Variants in SLC17A8 observed in about 807,000 individuals in gnomAD.
SLC17A8 encodes solute carrier family 17 member 8.
In SLC17A8, 31 loss-of-function variants were observed where a neutral mutation model predicts 58.0. The observed-to-expected ratio is 0.53, with a 90% CI of 0.40 to 0.72. SLC17A8 has a LOEUF of 0.72. SLC17A8 is among the 30% of genes least tolerant of loss of function. The probability of loss-of-function intolerance (pLI) is 0.00; values close to 1 mark genes in which losing one functional copy is unlikely to be tolerated. For synonymous variants in SLC17A8, 228 were observed against 249.0 expected (o/e 0.92, Z 0.79); for missense variants, 655 against 727.8 (o/e 0.90, Z 1.15).
intron 1 of SLC17A8, among the ~76,000 whole-genome samples, chr12:100,373,422 C>T (rs1027286256): frequency 3.3e-5 from 5 of 151,980 alleles, no homozygotes; most frequent in Non-Finnish European, 1.5e-5. Flanking sequence ...TGCTTCAAGC[C>T]AGGAGTGATG....
chr12:100,394,731 T>C (rs1467409121), intron 4 of SLC17A8, among the ~76,000 whole-genome samples: 1 of 148,186 alleles, frequency 6.7e-6, no homozygotes, highest in African/African-American at 2.5e-5. Flanking sequence ...AAAGCATACA[T>C]ATATATAGTA....
intron 10 of SLC17A8, among the ~76,000 whole-genome samples, chr12:100,413,983 A>T (rs1291748929): frequency 6.6e-6 from 1 of 152,170 alleles, no homozygotes; most frequent in African/African-American, 2.4e-5. Flanking sequence ...TCTCAAGAAA[A>T]AAATAAATAA....
intron 9 of SLC17A8, among the ~76,000 whole-genome samples, chr12:100,409,474 C>T (rs2136011984): frequency 6.6e-6 from 1 of 152,280 alleles, no homozygotes; most frequent in South Asian, 2.1e-4. Context: ...GTGTGCACCA[C>T]CATGCCTGGC....
chr12:100,416,070 C>A (rs1952904712), intron 10 of SLC17A8, among the ~76,000 whole-genome samples: 1 of 152,172 alleles, frequency 6.6e-6, no homozygotes, highest in Non-Finnish European at 1.5e-5. Context: ...ATGAGTGATG[C>A]CTGTTTTGGG....
intron 1 of SLC17A8, among the ~76,000 whole-genome samples, chr12:100,359,127 T>A (rs1008928318): frequency 6.6e-6 from 1 of 152,066 alleles, no homozygotes; most frequent in African/African-American, 2.4e-5. Flanking sequence ...AGAGTCAGAC[T>A]CTGTCTCAAA....
intron 1 of SLC17A8, among the ~76,000 whole-genome samples, chr12:100,358,555 C>A (rs1054645432): frequency 6.6e-6 from 1 of 152,042 alleles, no homozygotes; most frequent in African/African-American, 2.4e-5. Flanking sequence ...GAGTTGGACA[C>A]CTTATTATTT....
intron 10 of SLC17A8, among the ~76,000 whole-genome samples, chr12:100,413,436 G>A (rs1418339679): frequency 6.6e-6 from 1 of 152,136 alleles, no homozygotes; most frequent in African/African-American, 2.4e-5. Context: ...GTGAGCTAGC[G>A]ATGACCAAGC....
chr12:100,374,059 G>A (rs952323692), intron 1 of SLC17A8, among the ~76,000 whole-genome samples: 5 of 152,216 alleles, frequency 3.3e-5, no homozygotes, highest in Non-Finnish European at 5.9e-5. Context: ...TAATGTGTTA[G>A]TCTTTGTAGG....
chr12:100,370,452 C>T (rs1952551331), intron 1 of SLC17A8, among the ~76,000 whole-genome samples: 2 of 151,582 alleles, frequency 1.3e-5, no homozygotes, highest in Admixed American at 6.6e-5. Flanking sequence ...CATGCACCAC[C>T]ATGTCCAGCT....
chr12:100,402,958 C>A (rs1037083168), intron 8 of SLC17A8, among the ~76,000 whole-genome samples: 1 of 152,108 alleles, frequency 6.6e-6, no homozygotes, highest in African/African-American at 2.4e-5. Context: ...CCGTATTAAG[C>A]TGCTTTAAAG....
intron 9 of SLC17A8, among the ~76,000 whole-genome samples, chr12:100,409,712 G>T (rs1952853086): frequency 6.6e-6 from 1 of 152,166 alleles, no homozygotes; most frequent in Non-Finnish European, 1.5e-5. Flanking sequence ...AAAATAGTAA[G>T]ATTTATCCAG....
At chr12:100,395,880 T>G (rs560668473) in intron 4 of SLC17A8, among the ~76,000 whole-genome samples, 1 of 152,358 alleles carries the variant, frequency 6.6e-6, no homozygotes, top group South Asian at 2.1e-4. Context: ...CTCAAAGTGC[T>G]GGGACTACAG....
At chr12:100,381,788 T>C (rs1464442997) in intron 2 of SLC17A8, among the ~76,000 whole-genome samples, 10 of 152,306 alleles carry the variant, frequency 6.6e-5, no homozygotes, top group African/African-American at 2.4e-4. Flanking sequence ...AAATCACATT[T>C]GTGACATAGA....
chr12:100,376,884 A>G (rs1262817090), intron 1 of SLC17A8, among the ~76,000 whole-genome samples: 6 of 152,070 alleles, frequency 3.9e-5, no homozygotes, highest in Non-Finnish European at 7.4e-5. Flanking sequence ...ATCTCAGCTC[A>G]CTGTAACCTC....
At chr12:100,409,571 GAA>G (rs1040669936) in intron 9 of SLC17A8, among the ~76,000 whole-genome samples, 32 of 152,264 alleles carry the variant, frequency 2.1e-4, no homozygotes, top group African/African-American at 7.5e-4. Flanking sequence ...AAACACAAAT[GAA>G]AAGTTACAAA....
chr12:100,396,339 T>C lies in SLC17A8; in HGVS notation c.598T>C (p.Tyr200His). 6.2e-7 allele frequency: 1 copy of C among 1,613,894 alleles called. No homozygotes were observed. Among genetic ancestry groups the C allele is most frequent in the Non-Finnish European group, 8.5e-7 (1 of 1,179,788 alleles). The change falls in exon 5 of 12, where the codon TAC (tyrosine) becomes CAC (histidine). Residue 200 changes from tyrosine to histidine, a missense_variant. Tyr to His is a moderately conservative substitution (Grantham distance 83, BLOSUM62 2). Transcript: ENST00000323346. ...TCAACTCTTCTGCCAGGGTGTGACCTACCCAGCCTGCCATGGGATGTGGAG... is the reference window on the plus strand; with the variant it reads ...TCAACTCTTCTGCCAGGGTGTGACCCACCCAGCCTGCCATGGGATGTGGAG... ...ILQGLVEGVTYPACHGMWSKW... is the reference protein window; with the variant it reads ...ILQGLVEGVTHPACHGMWSKW...
chr12:100,415,789 G>T (rs1952902218), intron 10 of SLC17A8, among the ~76,000 whole-genome samples: 1 of 152,190 alleles, frequency 6.6e-6, no homozygotes, highest in African/African-American at 2.4e-5. Flanking sequence ...GATGAGAAAG[G>T]TATTGCTATA....
chr12:100,364,523 T>C (rs1050996873), intron 1 of SLC17A8, among the ~76,000 whole-genome samples: 2 of 152,200 alleles, frequency 1.3e-5, no homozygotes, highest in African/African-American at 4.8e-5. Flanking sequence ...TGTTCATAAG[T>C]GCACTGCTCT....
chr12:100,369,665 TTTTTTG>T (rs1046255610), intron 1 of SLC17A8, among the ~76,000 whole-genome samples: 6 of 152,208 alleles, frequency 3.9e-5, no homozygotes, highest in African/African-American at 1.4e-4. Context: ...AGTAGGTGTT[TTTTTTG>T]TTTTTGTTTT....
Sources: allele counts gnomAD v4.1 joint callset (sites outside exome capture counted in the v4.1 genomes callset), GRCh38; gene constraint gnomAD v4.1.1; transcripts MANE v1.5; gene names NCBI Gene and HGNC (gene_info 2026-07-23, HGNC 2026-07-21).